The following MAP2 variants were observed in gnomAD, a reference collection of about 807,000 sequenced individuals.
MAP2 encodes microtubule-associated protein 2.
MAP2 carries 14 observed loss-of-function variants against 137.6 expected under a neutral mutation model. The ratio of observed to expected loss-of-function variants is 0.10; its 90% confidence interval spans 0.07 to 0.16. The LOEUF is 0.16. Among genes scored for constraint, MAP2 ranks in the 10% least tolerant of loss-of-function variants. The pLI is 1.00. For missense variants in MAP2, 2,088 were observed against 2,191.5 expected (o/e 0.95, Z 0.94); for synonymous variants, 786 against 782.3 (o/e 1.00, Z -0.08).
At position 209,731,215 on chromosome 2, in the gene MAP2, C is replaced by T. The variant is rs1332912490; in HGVS notation, c.*818C>T. 1.3e-5 allele frequency: 2 copies of T among 152,276 alleles called. No homozygotes were observed. The highest frequency in any genetic ancestry group is 2.4e-5 in the African/African-American group (1 of 41,398). The allele number at this position is 152,276 out of a possible 1,614,324, so 9.4% of individuals were successfully genotyped here. ...TCTGTGGCCATTTGTGATACTTCCT[C>T]ATATACTTGAATATTATACTTCTTT... On this transcript the variant is annotated 3_prime_UTR_variant, in exon 16 of 16. Transcript: ENST00000682079.
In MAP2 at chr2:209,698,346, A is replaced by G. The variant is rs555240920; in HGVS notation, c.4522+1295A>G. On this transcript the variant is annotated intron_variant, in intron 10 of 15. Transcript: ENST00000682079. ...TACTAGGATAATCTTACCTTACACT[A>G]TATTTTATTTTAGCATTTATTAAGT... Among the ~76,000 whole-genome samples the G allele has an allele frequency of 2.6e-5, 4 of 152,246 alleles. No individual in the cohort carries two copies. In the East Asian group the frequency reaches 5.8e-4, roughly 22 times the overall value.
intron 2 of MAP2, among the ~76,000 whole-genome samples, chr2:209,547,444 G>A (rs2068310040): frequency 6.6e-6 from 1 of 152,100 alleles, no homozygotes; most frequent in African/African-American, 2.4e-5. Context: ...CAGGGTAAAT[G>A]AGTGCCAAAT....
Position 209,712,273 on chromosome 2 carries a change from A to G in MAP2, c.5073+2019A>G, listed in dbSNP as rs567486653. 5.3e-5 allele frequency among the ~76,000 whole-genome samples: 8 copies of G among 152,266 alleles called. No individual in the cohort carries two copies. The East Asian group carries it at 1.3e-3, about 26-fold the overall frequency. On this transcript the variant is annotated intron_variant, in intron 13 of 15. Coordinates refer to ENST00000682079, the MANE Select transcript of MAP2 (RefSeq NM_001375505.1). ...TGGTAATTCATAAAATTGATACAAA[A>G]TATCTCATACTTTTGAGCTGAACTA...
intron 2 of MAP2, among the ~76,000 whole-genome samples, chr2:209,545,496 G>A (rs921191797): frequency 2.6e-5 from 4 of 152,148 alleles, no homozygotes; most frequent in South Asian, 2.1e-4. Flanking sequence ...TTGTGGTAAC[G>A]ATGCAGCTGA....
rs114395082 is a variant in MAP2 at position 209,672,261 on chromosome 2, G to T, written c.263-6311G>T. Among the ~76,000 whole-genome samples, 1,222 of 151,792 alleles carry T rather than the reference G, an allele frequency of 8.1e-3. 18 individuals are homozygous for T. The highest frequency in any genetic ancestry group is 0.027 in the African/African-American group (1,138 of 41,438). ...GGAGCCTGATGTATTGTCTGTTAGG[G>T]TCCCAGCAGTGACCCAACATTTCAG... On this transcript the variant is annotated intron_variant, in intron 5 of 15. Coordinates refer to ENST00000682079, the MANE Select transcript of MAP2 (RefSeq NM_001375505.1).
intron 2 of MAP2, among the ~76,000 whole-genome samples, chr2:209,565,636 T>G (rs1173719282): frequency 6.6e-6 from 1 of 152,222 alleles, no homozygotes; most frequent in Non-Finnish European, 1.5e-5. Flanking sequence ...CCAAAGTTTT[T>G]TTCTTTTTCT....
intron 3 of MAP2, among the ~76,000 whole-genome samples, chr2:209,582,856 A>T (rs1379506827): frequency 1.3e-5 from 2 of 152,198 alleles, no homozygotes; most frequent in African/African-American, 4.8e-5. Context: ...TAAGTCCTTA[A>T]CATATATTAT....
chr2:209,530,310 T>C (rs2064915439), intron 2 of MAP2, among the ~76,000 whole-genome samples: 1 of 152,194 alleles, frequency 6.6e-6, no homozygotes, highest in Admixed American at 6.6e-5. Context: ...TACTTTGCTA[T>C]ATAGATGATA....
intron 3 of MAP2, among the ~76,000 whole-genome samples, chr2:209,584,732 AGGGTATTGACTGT>A (rs1419330431): frequency 6.6e-6 from 1 of 152,130 alleles, no homozygotes; most frequent in African/African-American, 2.4e-5. Context: ...AAGTCCAAAG[AGGGTATTGACTGT>A]GGGCATGAAA....
At chr2:209,723,226 T>G (rs1433518093) in intron 13 of MAP2, among the ~76,000 whole-genome samples, 1 of 152,176 alleles carries the variant, frequency 6.6e-6, no homozygotes, top group African/African-American at 2.4e-5. Context: ...TGAACAAGAT[T>G]TAGTATTAAC....
intron 1 of MAP2, among the ~76,000 whole-genome samples, chr2:209,443,524 A>G (rs1442614221): frequency 6.6e-6 from 1 of 151,252 alleles, no homozygotes; most frequent in Non-Finnish European, 1.5e-5. Flanking sequence ...TTAGTATAAC[A>G]AATATTTTTA....
In MAP2 at chr2:209,593,634, A is replaced by AAAAATATAT. The variant is rs1286103137; in HGVS notation, c.-107+13535_-107+13536insAAATATATA. 2.4e-4 allele frequency among the ~76,000 whole-genome samples: 8 copies of AAAAATATAT among 33,644 alleles called. 1 individual carries two copies. The highest frequency in any genetic ancestry group is 2.9e-4 in the Non-Finnish European group (6 of 20,366). The allele number at this position is 33,644 out of a possible 152,430, so 22.1% of individuals were successfully genotyped here. On this transcript the variant is annotated intron_variant, in intron 3 of 15. Coordinates refer to ENST00000682079, the MANE Select transcript of MAP2 (RefSeq NM_001375505.1). ...CCTGTCTCTACAAAAAAAAAAAAAA[A>AAAAATATAT]ATATATATATATATATATATATATA...
In MAP2 at chr2:209,540,720, T is replaced by C. The variant is rs531125813; in HGVS notation, c.-172+33079T>C. 3.7e-5 allele frequency among the ~76,000 whole-genome samples: 5 copies of C among 134,042 alleles called. No individual in the cohort carries two copies. In the South Asian group the frequency reaches 1.2e-3, roughly 32 times the overall value. The allele number at this position is 134,042 out of a possible 152,430, so 87.9% of individuals were successfully genotyped here. A position where few individuals can be genotyped will look rare whatever the true frequency, so the allele number is the denominator to read the frequency against. ...TTTGATGTTCATGTCATTGACTAAA[T>C]ATATATAGGGTTGTTAAGTAATAGT... On this transcript the variant is annotated intron_variant, in intron 2 of 15. Coordinates refer to ENST00000682079, the MANE Select transcript of MAP2 (RefSeq NM_001375505.1).
Position 209,638,524 on chromosome 2 carries a change from G to A in MAP2, c.-30+13395G>A, listed in dbSNP as rs1509473. Among the ~76,000 whole-genome samples, 1,255 of 152,122 alleles carry A rather than the reference G, an allele frequency of 8.2e-3. 15 individuals are homozygous for A. Among genetic ancestry groups the A allele is most frequent in the African/African-American group, 0.028 (1,170 of 41,486 alleles). The stretch of plus-strand genomic sequence containing the variant: ...TGACTCTGCTTTATATGACTCATAC[G>A]TTACTTATATATGACTAATATTTAC... On this transcript the variant is annotated intron_variant, in intron 4 of 15. Coordinates refer to ENST00000682079, the MANE Select transcript of MAP2 (RefSeq NM_001375505.1).
At chr2:209,447,783 T>C (rs1699421657) in intron 1 of MAP2, among the ~76,000 whole-genome samples, 1 of 152,060 alleles carries the variant, frequency 6.6e-6, no homozygotes. Context: ...AGTTATGTCC[T>C]AGTTACTCAG....
intron 1 of MAP2, among the ~76,000 whole-genome samples, chr2:209,459,244 C>T (rs1306190305): frequency 6.6e-6 from 1 of 152,098 alleles, no homozygotes; most frequent in Non-Finnish European, 1.5e-5. Flanking sequence ...GTTTTCTCAT[C>T]TGTAAAATGG....
chr2:209,705,781 T>A, intron 12 of MAP2, 54 bp downstream of exon 12: 2 of 1,389,026 alleles, frequency 1.4e-6, no homozygotes, highest in Non-Finnish European at 2.0e-6. Flanking sequence ...ATCCTTTAAG[T>A]GGAATAGCAC....
At chr2:209,702,820 A>G (rs559512759) in intron 11 of MAP2, among the ~76,000 whole-genome samples, 3 of 152,234 alleles carry the variant, frequency 2.0e-5, no homozygotes, top group South Asian at 2.1e-4. Context: ...AGTGATTTGT[A>G]CAGTCTGTAA....
At chr2:209,487,237 A>G (rs1260160500) in intron 1 of MAP2, among the ~76,000 whole-genome samples, 1 of 152,198 alleles carries the variant, frequency 6.6e-6, no homozygotes, top group Non-Finnish European at 1.5e-5. Flanking sequence ...TCTGACTCAG[A>G]GAAGTGGGTC....
Sources: allele counts gnomAD v4.1 joint callset (sites outside exome capture counted in the v4.1 genomes callset), GRCh38; gene constraint gnomAD v4.1.1; transcripts MANE v1.5; gene names NCBI Gene and HGNC (gene_info 2026-07-23, HGNC 2026-07-21).